Variants in LPP observed in about 807,000 individuals in gnomAD.
LPP encodes the protein LIM domain containing preferred translocation partner in lipoma.
Under a neutral mutation model 60.4 loss-of-function variants are expected in LPP, and 38 were observed. The observed-to-expected ratio is 0.63, with a 90% CI of 0.49 to 0.83. The LOEUF is 0.83. Ranked by LOEUF, LPP falls within the 40% of genes least tolerant of loss-of-function variation. The probability of loss-of-function intolerance (pLI) is 0.00; values close to 1 mark genes in which losing one functional copy is unlikely to be tolerated. For missense variants in LPP, 902 were observed against 783.6 expected (o/e 1.15, Z -1.80); for synonymous variants, 328 against 290.8 (o/e 1.13, Z -1.30).
chr3:188,493,443 T>C (rs1808975636), intron 5 of LPP, among the ~76,000 whole-genome samples: 1 of 152,146 alleles, frequency 6.6e-6, no homozygotes, highest in Non-Finnish European at 1.5e-5. Context: ...GTCAAGGTTT[T>C]CTTTATGTAA....
At chr3:188,587,849 C>T (rs1455900580) in intron 6 of LPP, among the ~76,000 whole-genome samples, 1 of 152,202 alleles carries the variant, frequency 6.6e-6, no homozygotes, top group African/African-American at 2.4e-5. Context: ...AATTTACCTA[C>T]TCGCTTTGTG....
chr3:188,430,180 G>C (rs1201022298), intron 4 of LPP, among the ~76,000 whole-genome samples: 1 of 151,542 alleles, frequency 6.6e-6, no homozygotes, highest in Admixed American at 6.6e-5. Context: ...GAGCATAGAG[G>C]TCTTTAGACT....
intron 2 of LPP, among the ~76,000 whole-genome samples, chr3:188,312,292 A>G (rs769089804): frequency 5.7e-4 from 86 of 152,126 alleles, no homozygotes; most frequent in Admixed American, 5.2e-4. Flanking sequence ...AGCCGTACCC[A>G]TTTGTAATTC....
At chr3:188,263,763 A>G (rs908110809) in intron 2 of LPP, among the ~76,000 whole-genome samples, 5 of 152,126 alleles carry the variant, frequency 3.3e-5, no homozygotes, top group Non-Finnish European at 7.4e-5. Flanking sequence ...CACTGATAGC[A>G]TTTTTCTTTT....
chr3:188,179,149 TC>T (rs1254381080), intron 1 of LPP: 3 of 407,616 alleles, frequency 7.4e-6, no homozygotes, highest in South Asian at 3.6e-5. Context: ...GTCTACATAT[TC>T]CCCCCGGCCC....
intron 1 of LPP, among the ~76,000 whole-genome samples, chr3:188,214,710 G>T (rs1283610042): frequency 6.6e-6 from 1 of 152,192 alleles, no homozygotes; most frequent in African/African-American, 2.4e-5. Context: ...GTGACTGTAA[G>T]CCCTGTTCAT....
chr3:188,783,911 C>T (rs1429213747), intron 9 of LPP, among the ~76,000 whole-genome samples: 1 of 152,078 alleles, frequency 6.6e-6, no homozygotes, highest in African/African-American at 2.4e-5. Flanking sequence ...CTTGGCACCC[C>T]AGCCTCCCGA....
In LPP at chr3:188,708,412, T is replaced by C; in HGVS notation, c.1240+19T>C. ...TACTTTGGTGAGTGGGGCCTAGAGC[T>C]GACTTCTGAAGTAACTATCTTGCTC... is the stretch of plus-strand genomic sequence containing the variant. On this transcript the variant is annotated intron_variant, in intron 8 of 11. Transcript: ENST00000617246. The C allele has an allele frequency of 1.9e-6, 3 of 1,614,172 alleles. No homozygotes were observed. Among genetic ancestry groups the C allele is most frequent in the Non-Finnish European group, 1.7e-6 (2 of 1,179,996 alleles).
intron 7 of LPP, among the ~76,000 whole-genome samples, chr3:188,638,021 A>G (rs1849196097): frequency 6.6e-6 from 1 of 150,688 alleles, no homozygotes; most frequent in African/African-American, 2.4e-5. Flanking sequence ...TTATGAGGCC[A>G]GCATCATCCT....
intron 5 of LPP, among the ~76,000 whole-genome samples, chr3:188,492,072 A>C (rs1808533937): frequency 6.6e-6 from 1 of 152,168 alleles, no homozygotes; most frequent in Non-Finnish European, 1.5e-5. Context: ...CTGCAGTGAA[A>C]GATTGGTTAA....
chr3:188,793,184 C>CTT (rs34203235), intron 9 of LPP, among the ~76,000 whole-genome samples: 4 of 137,620 alleles, frequency 2.9e-5, no homozygotes, highest in East Asian at 2.2e-4. Context: ...CTCATTTATC[C>CTT]TTTTTTTTTT....
At chr3:188,512,203 T>C (rs1290302499) in intron 5 of LPP, among the ~76,000 whole-genome samples, 1 of 152,226 alleles carries the variant, frequency 6.6e-6, no homozygotes, top group Admixed American at 6.5e-5. Flanking sequence ...TTCAAACATC[T>C]TTTATCTGCA....
At chr3:188,792,600 T>G (rs1744122198) in intron 9 of LPP, among the ~76,000 whole-genome samples, 1 of 152,166 alleles carries the variant, frequency 6.6e-6, no homozygotes, top group Non-Finnish European at 1.5e-5. Context: ...AGCCCACAGT[T>G]TTTTTGTTTT....
rs567160438 is a variant in LPP, at chr3:188,461,688, G to A, written c.194-22904G>A. Among the ~76,000 whole-genome samples, 17 of 152,218 alleles carry A rather than the reference G, an allele frequency of 1.1e-4. No individual in the cohort carries two copies. The East Asian group carries it at 1.3e-3, about 12-fold the overall frequency. On this transcript the variant is annotated intron_variant, in intron 4 of 11. Coordinates refer to ENST00000617246, the MANE Select transcript of LPP (RefSeq NM_001375462.1). ...TTAAGTATTTTTAATTGTGGTTTTC[G>A]TTTTTTGACTCAGGCTTAAATAGCT...
intron 2 of LPP, among the ~76,000 whole-genome samples, chr3:188,336,653 A>T (rs1172564646): frequency 6.6e-6 from 1 of 152,190 alleles, no homozygotes; most frequent in Non-Finnish European, 1.5e-5. Flanking sequence ...GGGGCAGAGT[A>T]CAGCACAGTG....
rs979461734 is a variant in LPP, at chr3:188,885,374, C to G, written c.*10895C>G. On this transcript the variant is annotated 3_prime_UTR_variant, in exon 12 of 12. Coordinates refer to ENST00000617246, the MANE Select transcript of LPP (RefSeq NM_001375462.1). ...GACTAATGAGAGCCAAGTTAAATAG[C>G]AAATGACTTCTCACCCCTTCCTAGT... The G allele has an allele frequency of 2.1e-5, 4 of 194,508 alleles. No individual in the cohort carries two copies. The highest frequency in any genetic ancestry group is 6.9e-5 in the African/African-American group (3 of 43,174). 12.0% of individuals were successfully genotyped at this position (194,508 alleles called of 1,614,324 possible).
At chr3:188,874,251 C>A in intron 11 of LPP, 100 bp from the exon 12 acceptor site, 1 of 1,153,172 alleles carries the variant, frequency 8.7e-7, no homozygotes, top group Non-Finnish European at 1.2e-6. Flanking sequence ...TAAGTGGCCA[C>A]ATTATGGAGG....
At chr3:188,793,551 C>T (rs1744471628) in intron 9 of LPP, among the ~76,000 whole-genome samples, 2 of 152,090 alleles carry the variant, frequency 1.3e-5, no homozygotes, top group Non-Finnish European at 1.5e-5. Context: ...TCAATGATGT[C>T]CTGACATAAG....
intron 7 of LPP, among the ~76,000 whole-genome samples, chr3:188,638,865 AG>A (rs1384953457): frequency 6.6e-6 from 1 of 151,802 alleles, no homozygotes; most frequent in African/African-American, 2.4e-5. Context: ...GAAATAAAAG[AG>A]GATACAAACA....
Sources: allele counts gnomAD v4.1 joint callset (sites outside exome capture counted in the v4.1 genomes callset), GRCh38; gene constraint gnomAD v4.1.1; transcripts MANE v1.5; gene names NCBI Gene and HGNC (gene_info 2026-07-23, HGNC 2026-07-21).